Variants in PHACTR1 observed in about 807,000 individuals in gnomAD.
PHACTR1 encodes RPEL repeat containing 1.
Under a neutral mutation model 69.2 loss-of-function variants are expected in PHACTR1, and 16 were observed. That is an observed-to-expected ratio of 0.23 (90% CI 0.16 to 0.35). The LOEUF (loss-of-function observed/expected upper bound fraction) is 0.35. Among genes scored for constraint, PHACTR1 ranks in the 10% least tolerant of loss-of-function variants. The pLI, the probability that PHACTR1 is intolerant of heterozygous loss-of-function variation, is 1.00. For synonymous variants in PHACTR1, 312 were observed against 284.5 expected (o/e 1.10, Z -0.97); for missense variants, 510 against 734.7 (o/e 0.69, Z 3.54).
At chr6:12,719,800 T>C (rs1761874328) in intron 3 of PHACTR1, among the ~76,000 whole-genome samples, 1 of 152,162 alleles carries the variant, frequency 6.6e-6, no homozygotes, top group Non-Finnish European at 1.5e-5. Flanking sequence ...GTCCTCTGAA[T>C]TGCTTTTACC....
intron 4 of PHACTR1, among the ~76,000 whole-genome samples, chr6:12,880,011 G>A (rs1232295289): frequency 6.6e-6 from 1 of 152,154 alleles, no homozygotes; most frequent in East Asian, 1.9e-4. Context: ...GAGGTGCAAA[G>A]AGCTAACATC....
At chr6:12,807,469 A>C (rs1007920660) in intron 4 of PHACTR1, among the ~76,000 whole-genome samples, 2 of 152,184 alleles carry the variant, frequency 1.3e-5, no homozygotes, top group South Asian at 4.1e-4. Flanking sequence ...TCTCCATGTT[A>C]ATTATTGTGC....
intron 4 of PHACTR1, among the ~76,000 whole-genome samples, chr6:13,044,302 C>T (rs1378158561): frequency 6.6e-6 from 1 of 152,062 alleles, no homozygotes; most frequent in East Asian, 1.9e-4. Context: ...TCATTGTGAC[C>T]TGGAAATTCT....
chr6:12,729,339 A>T (rs2127568953), intron 3 of PHACTR1, among the ~76,000 whole-genome samples: 1 of 152,336 alleles, frequency 6.6e-6, no homozygotes, highest in Middle Eastern at 3.4e-3. Context: ...AGCAAACTCT[A>T]CAGTTTATCA....
At position 12,960,782 on chromosome 6, in the gene PHACTR1, G is replaced by A. The variant is rs558783367; in HGVS notation, c.251-92583G>A. Among the ~76,000 whole-genome samples the A allele has an allele frequency of 4.6e-4, 70 of 152,232 alleles. 2 individuals are homozygous for A. The highest frequency in any genetic ancestry group is 2.7e-3 in the Admixed American group (42 of 15,298). ...CTTTTACCCGACTTGGAAAATTCCC[G>A]CAGATGGGCTATAGTGATCCATGAC... is the stretch of plus-strand genomic sequence containing the variant. On this transcript the variant is annotated intron_variant, in intron 4 of 14. Coordinates refer to ENST00000332995, the MANE Select transcript of PHACTR1 (RefSeq NM_030948.6).
intron 4 of PHACTR1, among the ~76,000 whole-genome samples, chr6:12,970,391 C>T (rs1794046162): frequency 6.6e-6 from 1 of 152,190 alleles, no homozygotes; most frequent in South Asian, 2.1e-4. Flanking sequence ...AGCTAATAAA[C>T]ATATCAACTT....
chr6:12,718,962 A>T (rs942882572), intron 3 of PHACTR1, 115 bp downstream of exon 3: 1 of 528,508 alleles, frequency 1.9e-6, no homozygotes. Context: ...CGGTATTTCT[A>T]AGTTGATAAC....
rs1238974812 is a variant in PHACTR1, at chr6:12,910,720, T to A, written c.251-142645T>A. Among the ~76,000 whole-genome samples, 5 of 152,314 alleles carry A rather than the reference T, an allele frequency of 3.3e-5. 1 individual carries two copies. In the East Asian group the frequency reaches 7.7e-4, roughly 24 times the overall value. ...CCACTATGAGCAGGCCATTCTCTAATCTTCCACATAGTCATGAAGATGGGC... is the reference window on the plus strand; with the variant it reads ...CCACTATGAGCAGGCCATTCTCTAAACTTCCACATAGTCATGAAGATGGGC... On this transcript the variant is annotated intron_variant, in intron 4 of 14. Coordinates refer to ENST00000332995, the MANE Select transcript of PHACTR1 (RefSeq NM_030948.6).
chr6:13,226,584 T>G (rs945394431), intron 8 of PHACTR1, among the ~76,000 whole-genome samples: 8 of 152,232 alleles, frequency 5.3e-5, no homozygotes, highest in African/African-American at 1.9e-4. Context: ...GGTTTCTGGC[T>G]TCATATTCTA....
intron 5 of PHACTR1, among the ~76,000 whole-genome samples, chr6:13,149,733 C>T (rs957016608): frequency 2.0e-5 from 3 of 152,174 alleles, no homozygotes; most frequent in Non-Finnish European, 4.4e-5. Context: ...CTTGTCCAAC[C>T]TGCAGCCCCT....
At chr6:13,049,720 A>G (rs970878280) in intron 4 of PHACTR1, among the ~76,000 whole-genome samples, 12 of 152,216 alleles carry the variant, frequency 7.9e-5, no homozygotes, top group Admixed American at 7.2e-4. Context: ...GTTGAGAGTA[A>G]TAAGTCAGGT....
chr6:12,753,943 A>AATATAT lies in PHACTR1; in HGVS notation c.250+4176_250+4181dup, dbSNP rs775836853. ...GAGAACTGTCCCTAGGCAAGTTGTA[A>AATATAT]ATATATATATATATATATATATATA... On this transcript the variant is annotated intron_variant, in intron 4 of 14. Coordinates refer to ENST00000332995, the MANE Select transcript of PHACTR1 (RefSeq NM_030948.6). 2.5e-3 allele frequency among the ~76,000 whole-genome samples: 218 copies of AATATAT among 86,230 alleles called. 2 individuals carry two copies. The highest frequency in any genetic ancestry group is 4.4e-3 in the South Asian group (14 of 3,204). The allele number at this position is 86,230 out of a possible 152,430, so 56.6% of individuals were successfully genotyped here.
At chr6:12,804,865 T>C (rs1438592091) in intron 4 of PHACTR1, among the ~76,000 whole-genome samples, 1 of 152,206 alleles carries the variant, frequency 6.6e-6, no homozygotes, top group Non-Finnish European at 1.5e-5. Flanking sequence ...AGCATACTAG[T>C]AACTTACGTA....
At chr6:12,892,757 C>T (rs1784285114) in intron 4 of PHACTR1, among the ~76,000 whole-genome samples, 1 of 152,202 alleles carries the variant, frequency 6.6e-6, no homozygotes, top group South Asian at 2.1e-4. Context: ...ATTGTCATAG[C>T]TCATGCTCCA....
Position 12,952,744 on chromosome 6 carries a change from C to T in PHACTR1, c.251-100621C>T, listed in dbSNP as rs534982385. On this transcript the variant is annotated intron_variant, in intron 4 of 14. Transcript: ENST00000332995. Reference sequence around the variant, plus strand: ...GTGTAGATACCAAGGAACAGGATGTCTGGATCATATGATAATATGTTTAGT... The same window carrying T: ...GTGTAGATACCAAGGAACAGGATGTTTGGATCATATGATAATATGTTTAGT... 9.2e-5 allele frequency among the ~76,000 whole-genome samples: 14 copies of T among 152,292 alleles called. No homozygotes were observed. The South Asian group carries it at 2.9e-3, about 32-fold the overall frequency.
At chr6:13,010,843 G>A (rs1363425714) in intron 4 of PHACTR1, among the ~76,000 whole-genome samples, 1 of 151,936 alleles carries the variant, frequency 6.6e-6, no homozygotes, top group Non-Finnish European at 1.5e-5. Context: ...ACAAGGAAAC[G>A]ATAATAATGG....
chr6:12,970,108 G>A (rs1027585922), intron 4 of PHACTR1, among the ~76,000 whole-genome samples: 14 of 152,198 alleles, frequency 9.2e-5, no homozygotes, highest in African/African-American at 3.4e-4. Context: ...GATCTTCTTG[G>A]ATGAGTCACC....
Position 13,009,232 on chromosome 6 carries a change from T to C in PHACTR1, c.251-44133T>C, listed in dbSNP as rs1160885894. 3.3e-5 allele frequency among the ~76,000 whole-genome samples: 5 copies of C among 152,146 alleles called. 1 individual carries two copies. In the East Asian group the frequency reaches 9.6e-4, roughly 29 times the overall value. ...CTTAATTAAACCTGCAAAGACACTT[T>C]TGCCAAATAAGGTCACACTCACATG... On this transcript the variant is annotated intron_variant, in intron 4 of 14. Coordinates refer to ENST00000332995, the MANE Select transcript of PHACTR1 (RefSeq NM_030948.6).
intron 6 of PHACTR1, among the ~76,000 whole-genome samples, chr6:13,173,505 C>CA: frequency 6.6e-6 from 1 of 152,192 alleles, no homozygotes; most frequent in Non-Finnish European, 1.5e-5. Flanking sequence ...GCCTCAGAAA[C>CA]ATTTCCAACT....
Sources: gnomAD v4.1 joint callset for allele counts (sites outside exome capture counted in the v4.1 genomes callset) on GRCh38, gnomAD v4.1.1 for gene constraint, MANE v1.5 for transcripts, NCBI Gene and HGNC (gene_info 2026-07-23, HGNC 2026-07-21) for gene names.